The following DIS3L2 variants were observed in gnomAD, a reference collection of about 807,000 sequenced individuals.
DIS3L2 encodes DIS3-like exonuclease 2.
Under a neutral mutation model 97.5 loss-of-function variants are expected in DIS3L2, and 34 were observed. The observed-to-expected ratio is 0.35, with a 90% CI of 0.27 to 0.46. DIS3L2 has a LOEUF of 0.46. Ranked by LOEUF, DIS3L2 falls within the 20% of genes least tolerant of loss-of-function variation. The pLI is 1.00. For synonymous variants in DIS3L2, 435 were observed against 445.2 expected, an observed-to-expected ratio of 0.98 and a Z score of 0.29; for missense variants, 1,038 against 1,146.0, an observed-to-expected ratio of 0.91 and a Z score of 1.36.
intron 5 of DIS3L2, among the ~76,000 whole-genome samples, chr2:232,077,955 C>CTCTTTCTTTCTTTCTT (rs538146324): frequency 4.1e-4 from 45 of 108,808 alleles, no homozygotes; most frequent in Middle Eastern, 4.5e-3. Flanking sequence ...TTCTTTCTTT[C>CTCTTTCTTTCTTTCTT]TCTTTCTTTC....
intron 5 of DIS3L2, among the ~76,000 whole-genome samples, chr2:232,079,161 AC>A (rs1490569957): frequency 6.6e-6 from 1 of 152,224 alleles, no homozygotes; most frequent in Non-Finnish European, 1.5e-5. Context: ...TTCAGTGGCT[AC>A]TAAATGCTGC....
intron 1 of DIS3L2, among the ~76,000 whole-genome samples, chr2:231,973,300 G>A (rs935223999): frequency 4.8e-5 from 7 of 145,884 alleles, no homozygotes; most frequent in African/African-American, 1.9e-4. Context: ...ACACACACAC[G>A]TATATATTTT....
At chr2:232,241,113 C>CAGCT (rs990918933) in intron 11 of DIS3L2, among the ~76,000 whole-genome samples, 3 of 152,246 alleles carry the variant, frequency 2.0e-5, no homozygotes, top group Non-Finnish European at 4.4e-5. Context: ...TGGACAGCAG[C>CAGCT]AGCTGTGCGC....
At chr2:231,971,363 C>T (rs11680571) in intron 1 of DIS3L2, among the ~76,000 whole-genome samples, 1,697 of 151,630 alleles carry the variant, frequency 0.011, 17 homozygotes, top group Non-Finnish European at 0.016. Context: ...CCTGCAACCT[C>T]TGCCTCCCGG....
intron 14 of DIS3L2, among the ~76,000 whole-genome samples, chr2:232,321,106 A>T (rs1695418365): frequency 6.6e-6 from 1 of 152,146 alleles, no homozygotes; most frequent in Admixed American, 6.5e-5. Context: ...GGCCCCAAAG[A>T]GTCCCTTGGG....
At chr2:231,974,540 C>CTTTTT (rs35535304) in intron 1 of DIS3L2, among the ~76,000 whole-genome samples, 1 of 131,198 alleles carries the variant, frequency 7.6e-6, no homozygotes, top group Non-Finnish European at 1.6e-5. Context: ...TAATTTGGAT[C>CTTTTT]TTTTTTTTTT....
At chr2:231,998,577 G>A (rs2106199873) in intron 1 of DIS3L2, among the ~76,000 whole-genome samples, 1 of 152,280 alleles carries the variant, frequency 6.6e-6, no homozygotes, top group Non-Finnish European at 1.5e-5. Context: ...ATTAAGGTGG[G>A]TCTGCCAGAT....
intron 9 of DIS3L2, among the ~76,000 whole-genome samples, chr2:232,204,397 C>T (rs1352288283): frequency 6.6e-6 from 1 of 152,096 alleles, no homozygotes; most frequent in Non-Finnish European, 1.5e-5. Flanking sequence ...GTGTTCATTC[C>T]CAGACCAATG....
At chr2:232,319,490 C>T (rs979562406) in intron 14 of DIS3L2, among the ~76,000 whole-genome samples, 2 of 152,310 alleles carry the variant, frequency 1.3e-5, no homozygotes, top group South Asian at 2.1e-4. Flanking sequence ...CACAGCTCAG[C>T]GGACCACACA....
intron 12 of DIS3L2, among the ~76,000 whole-genome samples, chr2:232,258,597 T>TCAA (rs1165918048): frequency 1.8e-5 from 1 of 55,078 alleles, no homozygotes; most frequent in African/African-American, 6.9e-5. Context: ...AGACTCTGTC[T>TCAA]CAAAAAAAAA....
chr2:231,975,677 C>T (rs1489110960), intron 1 of DIS3L2, among the ~76,000 whole-genome samples: 1 of 143,306 alleles, frequency 7.0e-6, no homozygotes, highest in Non-Finnish European at 1.5e-5. Context: ...TGCACTGCAG[C>T]CTGGGCGACA....
intron 9 of DIS3L2, among the ~76,000 whole-genome samples, chr2:232,186,902 T>C (rs949109936): frequency 2.0e-5 from 3 of 152,060 alleles, no homozygotes; most frequent in African/African-American, 7.2e-5. Flanking sequence ...TGACCTTGGA[T>C]TGGCCAAGGA....
At chr2:232,103,399 A>C (rs1174835327) in intron 6 of DIS3L2, among the ~76,000 whole-genome samples, 1 of 152,158 alleles carries the variant, frequency 6.6e-6, no homozygotes, top group Non-Finnish European at 1.5e-5. Flanking sequence ...CCTCTTTTAT[A>C]TTAAAAGTTT....
chr2:232,334,304 C>T (rs1196628569), intron 17 of DIS3L2, 65 bp from the exon 18 acceptor site: 4 of 1,553,998 alleles, frequency 2.6e-6, no homozygotes, highest in Admixed American at 1.8e-5. Context: ...TGCAGCCCAT[C>T]CCCCAGCCAT....
chr2:232,073,186 G>A (rs3116244), intron 5 of DIS3L2, among the ~76,000 whole-genome samples: 20,309 of 152,202 alleles, frequency 0.13, 1,842 homozygotes, highest in South Asian at 0.34. Context: ...TGTCCCGAGT[G>A]TGCCATTAAG....
At chr2:232,049,272 A>G (rs1695333975) in intron 5 of DIS3L2, among the ~76,000 whole-genome samples, 1 of 152,198 alleles carries the variant, frequency 6.6e-6, no homozygotes, top group African/African-American at 2.4e-5. Context: ...ATTCTTAAAG[A>G]GGAATTACTA....
intron 1 of DIS3L2, among the ~76,000 whole-genome samples, chr2:231,965,864 G>T (rs758710987): frequency 5.9e-5 from 9 of 152,204 alleles, no homozygotes; most frequent in Non-Finnish European, 1.2e-4. Context: ...TGTTGCCCTG[G>T]CTGGAGTGCA....
intron 6 of DIS3L2, among the ~76,000 whole-genome samples, chr2:232,089,937 A>G (rs1332595752): frequency 6.6e-6 from 1 of 151,908 alleles, no homozygotes; most frequent in Non-Finnish European, 1.5e-5. Context: ...TTCTTCCCCC[A>G]CACTCCTTTT....
At chr2:232,067,214 C>T (rs1695875512) in intron 5 of DIS3L2, among the ~76,000 whole-genome samples, 1 of 152,126 alleles carries the variant, frequency 6.6e-6, no homozygotes, top group Admixed American at 6.5e-5. Context: ...CACCTCCAGA[C>T]TTTTGAAGGT....
Sources: allele counts gnomAD v4.1 joint callset (sites outside exome capture counted in the v4.1 genomes callset), GRCh38; gene constraint gnomAD v4.1.1; transcripts MANE v1.5; gene names NCBI Gene and HGNC (gene_info 2026-07-23, HGNC 2026-07-21).